Variants in ZMYND8 observed in about 807,000 individuals in gnomAD.
ZMYND8 encodes the protein MYND-type zinc finger-containing chromatin reader ZMYND8.
ZMYND8 carries 37 observed loss-of-function variants against 140.8 expected under a neutral mutation model. That is an observed-to-expected ratio of 0.26 (90% CI 0.20 to 0.35). ZMYND8 has a LOEUF of 0.35. Among genes scored for constraint, ZMYND8 ranks in the 10% least tolerant of loss-of-function variants. The pLI, the probability that ZMYND8 is intolerant of heterozygous loss-of-function variation, is 1.00. For synonymous variants in ZMYND8, 592 were observed against 597.1 expected (o/e 0.99, Z 0.12); for missense variants, 1,068 against 1,570.0 (o/e 0.68, Z 5.40).
chr20:47,306,853 T>G (rs1236472223), intron 3 of ZMYND8, among the ~76,000 whole-genome samples: 1 of 151,968 alleles, frequency 6.6e-6, no homozygotes, highest in East Asian at 1.9e-4. Flanking sequence ...CAAAAGAACA[T>G]GGACATGGAA....
At chr20:47,342,788 A>G (rs1261271551) in intron 2 of ZMYND8, among the ~76,000 whole-genome samples, 5 of 150,882 alleles carry the variant, frequency 3.3e-5, no homozygotes, top group Non-Finnish European at 7.4e-5. Flanking sequence ...TGGAAGTCAC[A>G]GTAAGCTGAG....
At chr20:47,347,965 G>A (rs2082465990) in intron 1 of ZMYND8, 39 bp from the exon 2 acceptor site, 3 of 1,606,190 alleles carry the variant, frequency 1.9e-6, no homozygotes, top group African/African-American at 2.7e-5. Flanking sequence ...TAGGAAGGCT[G>A]AGAACTTGCC....
intron 5 of ZMYND8, among the ~76,000 whole-genome samples, chr20:47,293,503 C>T (rs2077435845): frequency 1.3e-5 from 2 of 152,174 alleles, no homozygotes; most frequent in African/African-American, 4.8e-5. Flanking sequence ...TATATCAAAT[C>T]TCATCTCAAA....
At chr20:47,283,972 G>C (rs544259491) in intron 8 of ZMYND8, among the ~76,000 whole-genome samples, 2 of 152,016 alleles carry the variant, frequency 1.3e-5, no homozygotes, top group African/African-American at 4.8e-5. Context: ...GCCCAGGCTG[G>C]AGTGCAGTGG....
At chr20:47,307,751 T>C (rs1046688282) in intron 3 of ZMYND8, among the ~76,000 whole-genome samples, 13 of 152,002 alleles carry the variant, frequency 8.6e-5, no homozygotes, top group African/African-American at 3.1e-4. Flanking sequence ...CTCTTGAACC[T>C]GGGAGGCAAA....
intron 17 of ZMYND8, among the ~76,000 whole-genome samples, chr20:47,228,964 A>G (rs978569487): frequency 1.1e-4 from 16 of 152,018 alleles, no homozygotes; most frequent in African/African-American, 3.9e-4. Flanking sequence ...TGTATTTTTA[A>G]AAGCGGATGC....
chr20:47,319,508 T>A (rs1452652265), intron 2 of ZMYND8: 1 of 181,038 alleles, frequency 5.5e-6, no homozygotes, highest in Non-Finnish European at 1.2e-5. Context: ...ATACTTGAGG[T>A]ATAATCCTTT....
intron 11 of ZMYND8, among the ~76,000 whole-genome samples, chr20:47,263,227 G>T (rs2075280550): frequency 6.6e-6 from 1 of 152,146 alleles, no homozygotes; most frequent in Non-Finnish European, 1.5e-5. Flanking sequence ...TACTGGGACT[G>T]TCCTGTTAAT....
chr20:47,322,710 G>A lies in ZMYND8; in HGVS notation c.86-12506C>T, dbSNP rs573105639. ...AGGCGTGAGCCACCACACCCAGCCA[G>A]GATGGTATTTCTGTACCCATTTTAT... is the stretch of plus-strand genomic sequence containing the variant. On this transcript the variant is annotated intron_variant, in intron 2 of 22. Coordinates refer to ENST00000471951, the MANE Select transcript of ZMYND8 (RefSeq NM_001281775.3). Among the ~76,000 whole-genome samples the A allele has an allele frequency of 3.3e-5, 5 of 152,212 alleles. No individual in the cohort carries two copies. The South Asian group carries it at 1.0e-3, about 32-fold the overall frequency.
chr20:47,331,390 G>C (rs2080929469), intron 2 of ZMYND8, among the ~76,000 whole-genome samples: 2 of 152,158 alleles, frequency 1.3e-5, no homozygotes, highest in Admixed American at 1.3e-4. Context: ...CAGAAGAATG[G>C]GGAATGAGTC....
At chr20:47,286,498 A>G (rs984149135) in intron 8 of ZMYND8, among the ~76,000 whole-genome samples, 1 of 151,998 alleles carries the variant, frequency 6.6e-6, no homozygotes, top group African/African-American at 2.4e-5. Context: ...TCTATCTATC[A>G]TCTATCTATC....
intron 1 of ZMYND8, chr20:47,349,166 AG>A (rs2082578248): frequency 6.6e-6 from 1 of 152,344 alleles, no homozygotes; most frequent in Admixed American, 6.5e-5. Flanking sequence ...GTTCCACGTT[AG>A]GAGGAGAGGA....
At chr20:47,313,988 T>A (rs1267138903) in intron 2 of ZMYND8, among the ~76,000 whole-genome samples, 5 of 151,880 alleles carry the variant, frequency 3.3e-5, no homozygotes, top group Non-Finnish European at 7.4e-5. Flanking sequence ...CCAATATTCC[T>A]CCCAAAAAAA....
chr20:47,311,013 T>G (rs1197346074), intron 2 of ZMYND8, among the ~76,000 whole-genome samples: 1 of 152,164 alleles, frequency 6.6e-6, no homozygotes, highest in East Asian at 1.9e-4. Context: ...CATGCCTGAT[T>G]GCAAAAGCAG....
chr20:47,298,392 G>A lies in ZMYND8; in HGVS notation c.453+337C>T. The A allele has an allele frequency of 1.0e-6, 1 of 985,402 alleles. No homozygotes were observed. The highest frequency in any genetic ancestry group is 1.2e-6 in the Non-Finnish European group (1 of 829,920). The allele number at this position is 985,402 out of a possible 1,614,324, so 61.0% of individuals were successfully genotyped here. ...ATCCAAGACGGAGAAAACAGAATGA[G>A]ATCTTTTCAAAATGTGTGAGCCGTT... On this transcript the variant is annotated intron_variant, in intron 4 of 22. Transcript: ENST00000471951. This position sits in a 1 kb window ranked among gnomAD's most constrained non-coding sequence, Gnocchi z 5.0.
At chr20:47,320,105 G>A (rs993553015) in intron 2 of ZMYND8, 9 of 152,168 alleles carry the variant, frequency 5.9e-5, no homozygotes, top group Non-Finnish European at 8.8e-5. Context: ...ATGGGGAATC[G>A]CGGCGTCAGA....
chr20:47,303,656 AC>A (rs2078252956), intron 3 of ZMYND8, among the ~76,000 whole-genome samples: 2 of 151,948 alleles, frequency 1.3e-5, no homozygotes, highest in African/African-American at 4.8e-5. Context: ...AGATCACACC[AC>A]TGCACTCCAG....
At position 47,298,295 on chromosome 20, in the gene ZMYND8, G is replaced by A. The variant is rs1234936050; in HGVS notation, c.453+434C>T. The A allele has an allele frequency of 2.0e-6, 2 of 985,240 alleles. No homozygotes were observed. The highest frequency in any genetic ancestry group is 2.4e-6 in the Non-Finnish European group (2 of 829,934). The allele number at this position is 985,240 out of a possible 1,614,324, so 61.0% of individuals were successfully genotyped here. On this transcript the variant is annotated intron_variant, in intron 4 of 22. Transcript: ENST00000471951. This position sits in a 1 kb window ranked among gnomAD's most constrained non-coding sequence, Gnocchi z 5.0. Reference sequence around the variant, plus strand: ...AGAAAGCACCAGACGGCCACTACAGGGAACATGCAACCAAACGTGGTCTTC... The same window carrying A: ...AGAAAGCACCAGACGGCCACTACAGAGAACATGCAACCAAACGTGGTCTTC...
At chr20:47,294,860 C>T in intron 4 of ZMYND8, 81 bp from the exon 5 acceptor site, 1 of 1,336,986 alleles carries the variant, frequency 7.5e-7, no homozygotes, top group Non-Finnish European at 1.1e-6. Flanking sequence ...TTTTTTCAGT[C>T]AACTGACAGA....
Sources: gnomAD v4.1 joint callset for allele counts (sites outside exome capture counted in the v4.1 genomes callset) on GRCh38, gnomAD v4.1.1 for gene constraint, Gnocchi (gnomAD v3.1) non-coding constraint, MANE v1.5 for transcripts, NCBI Gene and HGNC (gene_info 2026-07-23, HGNC 2026-07-21) for gene names.